Variants in ACOX3 observed in about 807,000 individuals in gnomAD.
ACOX3 encodes the protein peroxisomal acyl-coenzyme A oxidase 3.
In ACOX3, 73 loss-of-function variants were observed where a neutral mutation model predicts 81.5. The ratio of observed to expected loss-of-function variants is 0.90; its 90% CI spans 0.74 to 1.09. The LOEUF is 1.09. ACOX3 is among the 50% of genes least tolerant of loss of function. The probability of loss-of-function intolerance (pLI) is 0.00; values close to 1 mark genes in which losing one functional copy is unlikely to be tolerated. For missense variants in ACOX3, 947 were observed against 928.0 expected (o/e 1.02, Z -0.27); for synonymous variants, 387 against 375.1 (o/e 1.03, Z -0.37).
chr4:8,406,028 T>G lies in ACOX3; in HGVS notation c.703A>C (p.Thr235Pro). Reference sequence around the variant, plus strand: ...ATCACTCCAGGCATGGGAAGAAGGGTCTTCGGGTCCCGGATCTATACAAAG... The same window carrying G: ...ATCACTCCAGGCATGGGAAGAAGGGGCTTCGGGTCCCGGATCTATACAAAG... ...PFIVQIRDPK[T>P]LLPMPGVMVG... Residue 235 changes from threonine to proline, a missense_variant, in exon 7 of 18, where the codon ACC (threonine) becomes CCC (proline). By Grantham distance (38) the Thr-to-Pro change is conservative. Coordinates refer to ENST00000356406, the MANE Select transcript of ACOX3 (RefSeq NM_003501.3). This position sits in a 1 kb window ranked among gnomAD's most constrained non-coding sequence, Gnocchi z 5.6. 1 of 1,613,956 alleles carries G rather than the reference T, an allele frequency of 6.2e-7. No homozygotes were observed. Among genetic ancestry groups the G allele is most frequent in the African/African-American group, 1.3e-5 (1 of 74,988 alleles).
intron 14 of ACOX3, among the ~76,000 whole-genome samples, chr4:8,378,701 C>T (rs929251814): frequency 6.6e-6 from 1 of 152,214 alleles, no homozygotes; most frequent in South Asian, 2.1e-4. Context: ...AAAGGTGTCA[C>T]TCAGCCAAAA....
chr4:8,434,362 C>T (rs1485621070), intron 1 of ACOX3, among the ~76,000 whole-genome samples: 1 of 152,230 alleles, frequency 6.6e-6, no homozygotes, highest in Non-Finnish European at 1.5e-5. Context: ...GGAGTTTTGT[C>T]TGCAGCTCGT....
intron 1 of ACOX3, among the ~76,000 whole-genome samples, chr4:8,420,622 A>G (rs923714680): frequency 6.6e-6 from 1 of 152,242 alleles, no homozygotes; most frequent in Non-Finnish European, 1.5e-5. Flanking sequence ...GAGCCAGATC[A>G]GGCAACGCCC....
intron 6 of ACOX3, among the ~76,000 whole-genome samples, chr4:8,408,010 A>G (rs1159302270): frequency 2.6e-5 from 4 of 152,214 alleles, no homozygotes; most frequent in East Asian, 3.9e-4. Flanking sequence ...AGTACTACCC[A>G]GCCCAAACTG....
rs1016484302 is a variant in ACOX3 at position 8,414,145 on chromosome 4, T to C, written c.543+147A>G. On this transcript the variant is annotated intron_variant, in intron 5 of 17. Transcript: ENST00000356406. The surrounding 1 kb of genome is among the most constrained non-coding windows in gnomAD (Gnocchi z 6.1). The stretch of plus-strand genomic sequence containing the variant: ...TCCTGGGCCCCACTTTTCAGTGTGA[T>C]GAATCTCAGTGGGTATTTCTACACA... 9 of 687,772 alleles carry C rather than the reference T, an allele frequency of 1.3e-5. No individual in the cohort carries two copies. Among genetic ancestry groups the C allele is most frequent in the South Asian group, 7.5e-5 (4 of 53,684 alleles). 42.6% of individuals were successfully genotyped at this position (687,772 alleles called of 1,614,324 possible).
rs372267715 is a variant in ACOX3 at position 8,386,843 on chromosome 4, C to T, written c.1537+2330G>A. Reference sequence around the variant, plus strand: ...CCACGGCTGTTGTCCTGTTCTTTGCCGTGTGAACAAGGAAGTAGCCTGTAG... The same window carrying T: ...CCACGGCTGTTGTCCTGTTCTTTGCTGTGTGAACAAGGAAGTAGCCTGTAG... On this transcript the variant is annotated intron_variant, in intron 13 of 17. Transcript: ENST00000356406. This position sits in a 1 kb window ranked among gnomAD's most constrained non-coding sequence, Gnocchi z 5.2. Among the ~76,000 whole-genome samples, 19 of 152,334 alleles carry T rather than the reference C, an allele frequency of 1.2e-4. No homozygotes were observed. In the East Asian group the frequency reaches 2.9e-3, roughly 23 times the overall value.
intron 1 of ACOX3, among the ~76,000 whole-genome samples, chr4:8,421,003 A>C (rs1722883168): frequency 6.6e-6 from 1 of 152,224 alleles, no homozygotes; most frequent in Non-Finnish European, 1.5e-5. Flanking sequence ...GCATGGCCCA[A>C]GGTTCCATTC....
intron 8 of ACOX3, 46 bp from the exon 9 acceptor site, chr4:8,397,165 C>T: frequency 1.3e-6 from 2 of 1,487,596 alleles, no homozygotes; most frequent in Non-Finnish European, 1.8e-6. Context: ...GCTGCGCGGC[C>T]ACCTTGGGCA....
intron 1 of ACOX3, chr4:8,428,447 C>G (rs996804311): frequency 6.6e-6 from 1 of 152,468 alleles, no homozygotes; most frequent in Admixed American, 6.5e-5. Flanking sequence ...CCTGGCCCCA[C>G]TGCTCCCCCG....
chr4:8,383,789 T>G (rs919608163), intron 13 of ACOX3, among the ~76,000 whole-genome samples: 1 of 152,210 alleles, frequency 6.6e-6, no homozygotes, highest in Non-Finnish European at 1.5e-5. Flanking sequence ...GAGGCCCTTG[T>G]GACCACCGCC....
At chr4:8,409,557 G>C (rs1328634223) in intron 6 of ACOX3, among the ~76,000 whole-genome samples, 1 of 145,208 alleles carries the variant, frequency 6.9e-6, no homozygotes, top group African/African-American at 2.6e-5. Context: ...GGAGGGCTGT[G>C]GGATACACTT....
rs1315481978 is a variant in ACOX3, at chr4:8,415,949, AG to A, written c.194del (p.Pro65LeufsTer13). ...LENDPLFARS[P>X]GADLSLEKYR... is the part of the protein sequence containing the mutation. ...ACTTCTCCAAGGACAGATCGGCTCC[AG>A]GGGAACGAGCGAAAAGAGGGTCATT... On this transcript the variant is annotated frameshift_variant, in exon 3 of 18. Transcript: ENST00000356406. LOFTEE classifies it high-confidence loss of function. 2 of 1,614,104 alleles carry A rather than the reference AG, an allele frequency of 1.2e-6. No homozygotes were observed. The highest frequency in any genetic ancestry group is 2.7e-5 in the African/African-American group (2 of 74,928).
At chr4:8,365,148 A>T (rs925238794), downstream of ACOX3, among the ~76,000 whole-genome samples, 1 of 152,190 alleles carries the variant, frequency 6.6e-6, no homozygotes, top group South Asian at 2.1e-4. Flanking sequence ...ACCCCCAGGC[A>T]GTGGGGCTGG....
Position 8,389,515 on chromosome 4 carries a change from A to T in ACOX3, c.1423+97T>A. 6.4e-7 allele frequency: 1 copy of T among 1,559,886 alleles called. No individual in the cohort carries two copies. The highest frequency in any genetic ancestry group is 8.8e-7 in the Non-Finnish European group (1 of 1,141,482). On this transcript the variant is annotated intron_variant, in intron 12 of 17. Transcript: ENST00000356406. This position sits in a 1 kb window ranked among gnomAD's most constrained non-coding sequence, Gnocchi z 5.3. ...ATTTCTTTCCTTCTGCAAACCTAGG[A>T]TGCATTCACAGAACAGCTGAATCAG...
downstream of ACOX3, among the ~76,000 whole-genome samples, chr4:8,361,424 T>A (rs1715230939): frequency 1.5e-4 from 2 of 13,200 alleles, no homozygotes; most frequent in East Asian, 2.0e-3. Flanking sequence ...AGACTCTATC[T>A]CAAAAAAAAA....
chr4:8,383,287 C>G (rs1326271451), intron 13 of ACOX3, among the ~76,000 whole-genome samples: 1 of 152,242 alleles, frequency 6.6e-6, no homozygotes, highest in Non-Finnish European at 1.5e-5. Flanking sequence ...CTCCCCTCGC[C>G]AAGTCCTGCC....
chr4:8,422,273 G>GA lies in ACOX3; in HGVS notation c.-14-5739dup, dbSNP rs569759890. ...AAGAGAGAGATATATAAGTAGTTAA[G>GA]AAAAAAACAGTGTACCCTATTCCTT... On this transcript the variant is annotated intron_variant, in intron 1 of 17. Coordinates refer to ENST00000356406, the MANE Select transcript of ACOX3 (RefSeq NM_003501.3). Among the ~76,000 whole-genome samples the GA allele has an allele frequency of 1.1e-3, 172 of 151,884 alleles. 2 individuals are homozygous for GA. The highest frequency in any genetic ancestry group is 4.0e-3 in the African/African-American group (164 of 41,472).
At chr4:8,372,795 C>T (rs1716385383) in intron 16 of ACOX3, among the ~76,000 whole-genome samples, 1 of 152,232 alleles carries the variant, frequency 6.6e-6, no homozygotes, top group African/African-American at 2.4e-5. Flanking sequence ...TAAAATGCAG[C>T]AGCACTCAGT....
rs1367212148 is a variant in ACOX3, at chr4:8,419,598, C to G, written c.-14-3063G>C. On this transcript the variant is annotated intron_variant, in intron 1 of 17. Transcript: ENST00000356406. This position sits in a 1 kb window ranked among gnomAD's most constrained non-coding sequence, Gnocchi z 4.2. ...CACAAGTGATTAAACATGGAGTGAC[C>G]ACATGACTCAGCAATTCCACTCTGA... Among the ~76,000 whole-genome samples, 1 of 152,084 alleles carries G rather than the reference C, an allele frequency of 6.6e-6. No homozygotes were observed. The highest frequency in any genetic ancestry group is 1.5e-5 in the Non-Finnish European group (1 of 68,026).
Sources: allele counts gnomAD v4.1 joint callset (sites outside exome capture counted in the v4.1 genomes callset), GRCh38; gene constraint gnomAD v4.1.1; non-coding constraint Gnocchi (gnomAD v3.1); transcripts MANE v1.5; gene names NCBI Gene and HGNC (gene_info 2026-07-23, HGNC 2026-07-21).